The following TTLL9 variants were observed in gnomAD, a reference collection of about 807,000 sequenced individuals.
TTLL9 encodes probable tubulin polyglutamylase TTLL9.
In TTLL9, 47 loss-of-function variants were observed where a neutral mutation model predicts 65.6. The ratio of observed to expected loss-of-function variants is 0.72; its 90% confidence interval spans 0.57 to 0.91. TTLL9 has a LOEUF of 0.91. TTLL9 is among the 40% of genes least tolerant of loss of function. TTLL9 has a pLI of 0.00. For missense variants in TTLL9, 537 were observed against 568.8 expected (o/e 0.94, Z 0.57); for synonymous variants, 179 against 204.8 (o/e 0.87, Z 1.07).
intron 14 of TTLL9, chr20:31,940,766 A>C (rs1182390270): frequency 6.6e-6 from 1 of 152,192 alleles, no homozygotes; most frequent in African/African-American, 2.4e-5. Context: ...GTCTTCCAAC[A>C]GTCTGGCCCT....
At chr20:31,911,513 A>G (rs1285413841) in intron 6 of TTLL9, among the ~76,000 whole-genome samples, 1 of 152,206 alleles carries the variant, frequency 6.6e-6, no homozygotes, top group African/African-American at 2.4e-5. Flanking sequence ...AACAGGCACG[A>G]AGCCAAGGTG....
At chr20:31,872,784 A>G (rs1048967757) in intron 2 of TTLL9, among the ~76,000 whole-genome samples, 95 of 152,232 alleles carry the variant, frequency 6.2e-4, no homozygotes, top group African/African-American at 2.2e-3. Flanking sequence ...CTATGATGGG[A>G]ATAGCTTGGC....
rs532704768 is a variant in TTLL9 at position 31,890,444 on chromosome 20, C to T, written c.113+3205C>T. Among the ~76,000 whole-genome samples, 15 of 152,160 alleles carry T rather than the reference C, an allele frequency of 9.9e-5. No homozygotes were observed. In the South Asian group the frequency reaches 2.7e-3, roughly 27 times the overall value. ...ACCTGTAGCTCTGAATGCATTTTAA[C>T]TGCTACCTCTGTTTCATTGTGTATC... On this transcript the variant is annotated intron_variant, in intron 3 of 14. Coordinates refer to ENST00000535842, the MANE Select transcript of TTLL9 (RefSeq NM_001008409.5).
intron 3 of TTLL9, among the ~76,000 whole-genome samples, chr20:31,890,143 TTCC>T (rs2063279304): frequency 1.8e-5 from 2 of 112,886 alleles, no homozygotes; most frequent in Non-Finnish European, 3.7e-5. Flanking sequence ...CCTTCCTTCC[TTCC>T]TTCCTTCCTT....
intron 3 of TTLL9, among the ~76,000 whole-genome samples, chr20:31,888,731 G>T (rs901328433): frequency 6.6e-6 from 1 of 152,068 alleles, no homozygotes; most frequent in Non-Finnish European, 1.5e-5. Flanking sequence ...CTCAGCTTCT[G>T]GTGAGGCCTC....
chr20:31,922,016 C>G (rs1299845482), intron 7 of TTLL9, among the ~76,000 whole-genome samples: 1 of 151,970 alleles, frequency 6.6e-6, no homozygotes, highest in African/African-American at 2.4e-5. Context: ...CACCTGTAAT[C>G]CCAGCACTTT....
At chr20:31,932,724 G>A (rs1002896000) in intron 10 of TTLL9, among the ~76,000 whole-genome samples, 3 of 152,090 alleles carry the variant, frequency 2.0e-5, no homozygotes, top group African/African-American at 7.2e-5. Context: ...GGTACTGGGT[G>A]TGGTGGCTCA....
chr20:31,891,498 C>CTT (rs1295902113), intron 3 of TTLL9, among the ~76,000 whole-genome samples: 5 of 145,144 alleles, frequency 3.4e-5, no homozygotes, highest in African/African-American at 1.3e-4. Flanking sequence ...CTTATTTTAT[C>CTT]TTTTTTTTTT....
chr20:31,891,747 A>G (rs1406986855), intron 3 of TTLL9, among the ~76,000 whole-genome samples: 1 of 152,238 alleles, frequency 6.6e-6, no homozygotes, highest in Admixed American at 6.5e-5. Flanking sequence ...TGACTTTTGT[A>G]TATGTGGCAT....
chr20:31,921,822 T>C (rs1400555582), intron 7 of TTLL9, among the ~76,000 whole-genome samples: 14 of 151,922 alleles, frequency 9.2e-5, no homozygotes, highest in Non-Finnish European at 2.9e-5. Flanking sequence ...GGGGCTTATT[T>C]TGGGGTGGAA....
intron 6 of TTLL9, among the ~76,000 whole-genome samples, chr20:31,914,057 C>G (rs1026569787): frequency 6.6e-6 from 1 of 152,228 alleles, no homozygotes; most frequent in Admixed American, 6.5e-5. Context: ...ACTTCACACA[C>G]GGCAGCGAGC....
intron 4 of TTLL9, among the ~76,000 whole-genome samples, chr20:31,905,172 G>A (rs748879603): frequency 6.6e-6 from 1 of 152,130 alleles, no homozygotes; most frequent in Non-Finnish European, 1.5e-5. Context: ...CTGCGTTCAA[G>A]TGATTCTCCT....
intron 2 of TTLL9, among the ~76,000 whole-genome samples, chr20:31,880,101 TC>T (rs886400334): frequency 1.3e-5 from 2 of 151,820 alleles, no homozygotes; most frequent in African/African-American, 4.8e-5. Flanking sequence ...AGACTACAAG[TC>T]CCGGCATGCA....
chr20:31,942,550 G>C (rs947711078), intron 14 of TTLL9, among the ~76,000 whole-genome samples: 3 of 152,204 alleles, frequency 2.0e-5, no homozygotes, highest in African/African-American at 7.2e-5. Context: ...GGTTAAGAGT[G>C]TGGCTCTGGC....
At chr20:31,871,647 C>T (rs1600500369) in intron 2 of TTLL9, among the ~76,000 whole-genome samples, 1 of 152,228 alleles carries the variant, frequency 6.6e-6, no homozygotes, top group Admixed American at 6.5e-5. Flanking sequence ...AAGTTCATAG[C>T]ATACATGGGG....
intron 2 of TTLL9, chr20:31,884,084 C>T: frequency 3.7e-6 from 2 of 542,976 alleles, no homozygotes; most frequent in Non-Finnish European, 6.7e-6. Flanking sequence ...AATCATTCAG[C>T]AAGGGCATCA....
rs1568752780 is a variant in TTLL9 at position 31,890,086 on chromosome 20, TGC to T, written c.113+2848_113+2849del. On this transcript the variant is annotated intron_variant, in intron 3 of 14. Coordinates refer to ENST00000535842, the MANE Select transcript of TTLL9 (RefSeq NM_001008409.5). ...TTTCTTTCTTGCTTTCTTGCTTTCT[TGC>T]TTTCTTTCCCTCCCTTCCTTCCTTC... Among the ~76,000 whole-genome samples, 220 of 132,952 alleles carry T rather than the reference TGC, an allele frequency of 1.7e-3. 3 individuals carry two copies. The highest frequency in any genetic ancestry group is 6.3e-3 in the African/African-American group (208 of 33,214). 87.2% of individuals were successfully genotyped at this position (132,952 alleles called of 152,430 possible).
At chr20:31,894,098 C>CTT (rs1162101774) in intron 3 of TTLL9, among the ~76,000 whole-genome samples, 3,301 of 91,984 alleles carry the variant, frequency 0.036, 108 homozygotes, top group African/African-American at 0.056. Context: ...CCATTTGGTT[C>CTT]TTTTTTTTTT....
At chr20:31,886,137 G>A (rs2063184595) in intron 2 of TTLL9, among the ~76,000 whole-genome samples, 1 of 152,248 alleles carries the variant, frequency 6.6e-6, no homozygotes, top group Non-Finnish European at 1.5e-5. Flanking sequence ...CCTTGTGAGA[G>A]CTGAGCCAAT....
Sources: gnomAD v4.1 joint callset for allele counts (sites outside exome capture counted in the v4.1 genomes callset) on GRCh38, gnomAD v4.1.1 for gene constraint, MANE v1.5 for transcripts, NCBI Gene and HGNC (gene_info 2026-07-23, HGNC 2026-07-21) for gene names.